The following RGMB variants were observed in gnomAD, a reference collection of about 807,000 sequenced individuals.
RGMB encodes the protein repulsive guidance molecule B.
A neutral mutation model predicts 26.9 loss-of-function variants in RGMB; 16 were observed. That is an observed-to-expected ratio of 0.60 (90% CI 0.40 to 0.90). RGMB has a LOEUF of 0.90. RGMB is among the 40% of genes least tolerant of loss of function. The probability of loss-of-function intolerance (pLI) is 0.00; values close to 1 mark genes in which losing one functional copy is unlikely to be tolerated. For synonymous variants in RGMB, 225 were observed against 229.3 expected, an observed-to-expected ratio of 0.98 and a Z score of 0.17; for missense variants, 512 against 573.3, an observed-to-expected ratio of 0.89 and a Z score of 1.09.
chr5:98,793,570 C>T lies in RGMB; in HGVS notation c.1131C>T (p.Leu377=), dbSNP rs368769537. The change falls in exon 3 of 3, where the codon CTC becomes CTT. Residue 377 remains leucine, a synonymous_variant. Transcript: ENST00000513185. ...IYFQSCVFDL[L]TTGDANFTAA... ...TCCAGTCCTGTGTCTTCGACCTGCTCACCACTGGTGATGCCAACTTTACTG... is the reference window on the plus strand; with the variant it reads ...TCCAGTCCTGTGTCTTCGACCTGCTTACCACTGGTGATGCCAACTTTACTG... 6.2e-7 allele frequency: 1 copy of T among 1,614,026 alleles called. No homozygotes were observed. The highest frequency in any genetic ancestry group is 2.2e-5 in the East Asian group (1 of 44,872).
intron 2 of RGMB, among the ~76,000 whole-genome samples, chr5:98,787,958 T>C (rs565764454): frequency 4.6e-5 from 7 of 152,332 alleles, no homozygotes; most frequent in African/African-American, 1.7e-4. Context: ...TCTGGTTTGG[T>C]TTCTTCATTC....
upstream of RGMB, chr5:98,770,988 G>A (rs1371297085): frequency 9.5e-6 from 3 of 316,028 alleles, no homozygotes; most frequent in African/African-American, 6.4e-5. Context: ...TCTCCTGTTA[G>A]ATTTCTGGAA....
chr5:98,778,873 G>A (rs1746500274), intron 1 of RGMB, among the ~76,000 whole-genome samples: 3 of 151,686 alleles, frequency 2.0e-5, no homozygotes, highest in Admixed American at 6.6e-5. Context: ...AGACAGTAAG[G>A]AAAAAGTAAA....
chr5:98,783,292 T>C (rs1266941225), intron 2 of RGMB, among the ~76,000 whole-genome samples: 4 of 152,138 alleles, frequency 2.6e-5, no homozygotes, highest in Admixed American at 2.0e-4. Context: ...CACACACACA[T>C]ACCTCGGCTG....
At position 98,795,490 on chromosome 5, in the gene RGMB, T is replaced by C. The variant is rs1580302628; in HGVS notation, c.*1737T>C. ...CCCAGTCACAGAGTGGAGTTGTGAA[T>C]TCATGTAGAGGTGGCAAACCTCTAC... On this transcript the variant is annotated 3_prime_UTR_variant, in exon 3 of 3. Coordinates refer to ENST00000513185, the MANE Select transcript of RGMB (RefSeq NM_001366508.1). 1 of 152,340 alleles carries C rather than the reference T, an allele frequency of 6.6e-6. No individual in the cohort carries two copies. The highest frequency in any genetic ancestry group is 6.5e-5 in the Admixed American group (1 of 15,304). The allele number at this position is 152,340 out of a possible 1,614,324, so 9.4% of individuals were successfully genotyped here.
chr5:98,791,788 C>T (rs539035567), intron 2 of RGMB, among the ~76,000 whole-genome samples: 1 of 152,142 alleles, frequency 6.6e-6, no homozygotes, highest in Non-Finnish European at 1.5e-5. Context: ...TCATAGTTGT[C>T]TTCCCTCCAC....
In RGMB at chr5:98,793,571, A is replaced by G. The variant is rs773287766; in HGVS notation, c.1132A>G (p.Thr378Ala). The change falls in exon 3 of 3, where the codon ACC becomes GCC. Residue 378 changes from threonine to alanine, a missense_variant. Transcript: ENST00000513185. ...CCAGTCCTGTGTCTTCGACCTGCTCACCACTGGTGATGCCAACTTTACTGC... is the reference window on the plus strand; with the variant it reads ...CCAGTCCTGTGTCTTCGACCTGCTCGCCACTGGTGATGCCAACTTTACTGC... Reference protein sequence around the residue: ...YFQSCVFDLLTTGDANFTAAA... With the variant: ...YFQSCVFDLLATGDANFTAAA... The G allele has an allele frequency of 1.7e-5, 27 of 1,613,880 alleles. No individual in the cohort carries two copies. Among genetic ancestry groups the G allele is most frequent in the Non-Finnish European group, 2.2e-5 (26 of 1,179,898 alleles).
intron 2 of RGMB, among the ~76,000 whole-genome samples, chr5:98,792,206 C>T (rs575106998): frequency 4.6e-5 from 7 of 152,306 alleles, no homozygotes; most frequent in African/African-American, 1.7e-4. Flanking sequence ...GTGCCCCCTC[C>T]TCAACTCTTT....
In RGMB at chr5:98,793,787, T is replaced by G. The variant is rs907756949; in HGVS notation, c.*34T>G. 2 of 1,455,720 alleles carry G rather than the reference T, an allele frequency of 1.4e-6. No individual in the cohort carries two copies. Among genetic ancestry groups the G allele is most frequent in the African/African-American group, 2.9e-5 (2 of 69,552 alleles). The allele number at this position is 1,455,720 out of a possible 1,614,324, so 90.2% of individuals were successfully genotyped here. A position where few individuals can be genotyped will look rare whatever the true frequency, so the allele number is the denominator to read the frequency against. ...TTTTGTTTTGGTTTTTTATTTTTTG[T>G]CTATAACAAAATTTTAAAATATATA... On this transcript the variant is annotated 3_prime_UTR_variant, in exon 3 of 3. Transcript: ENST00000513185.
rs911295432 is a variant in RGMB, at chr5:98,793,875, G to A, written c.*122G>A. ...ATACCATGTATATGACAGGATGTTT[G>A]TCCTGGGACACCCACCAGATTGTAC... is the stretch of plus-strand genomic sequence containing the variant. On this transcript the variant is annotated 3_prime_UTR_variant, in exon 3 of 3. Coordinates refer to ENST00000513185, the MANE Select transcript of RGMB (RefSeq NM_001366508.1). 3.9e-6 allele frequency: 3 copies of A among 759,916 alleles called. No homozygotes were observed. The highest frequency in any genetic ancestry group is 1.8e-5 in the African/African-American group (1 of 57,028). The allele number at this position is 759,916 out of a possible 1,614,324, so 47.1% of individuals were successfully genotyped here.
intron 2 of RGMB, among the ~76,000 whole-genome samples, chr5:98,786,696 C>T (rs1580287867): frequency 6.6e-6 from 1 of 152,174 alleles, no homozygotes; most frequent in Admixed American, 6.5e-5. Flanking sequence ...GGTGGGGTAA[C>T]TTAAGGACTT....
Position 98,793,886 on chromosome 5 carries a change from C to A in RGMB, c.*133C>A. 1.4e-6 allele frequency: 1 copy of A among 695,738 alleles called. No homozygotes were observed. The highest frequency in any genetic ancestry group is 2.3e-6 in the Non-Finnish European group (1 of 430,512). 43.1% of individuals were successfully genotyped at this position (695,738 alleles called of 1,614,324 possible). A position where few individuals can be genotyped will look rare whatever the true frequency, so the allele number is the denominator to read the frequency against. On this transcript the variant is annotated 3_prime_UTR_variant, in exon 3 of 3. Transcript: ENST00000513185. The stretch of plus-strand genomic sequence containing the variant: ...ATGACAGGATGTTTGTCCTGGGACA[C>A]CCACCAGATTGTACATACTGTGTTT...
At chr5:98,790,650 CTT>C (rs1746900790) in intron 2 of RGMB, among the ~76,000 whole-genome samples, 1 of 152,144 alleles carries the variant, frequency 6.6e-6, no homozygotes, top group South Asian at 2.1e-4. Context: ...CCCTTGCTTG[CTT>C]TTTGGAAACT....
chr5:98,771,399 G>A (rs1368617308), upstream of RGMB, among the ~76,000 whole-genome samples: 1 of 152,150 alleles, frequency 6.6e-6, no homozygotes, highest in African/African-American at 2.4e-5. Flanking sequence ...ACGGGCTTGA[G>A]GAGTGGCTGC....
In RGMB at chr5:98,795,815, T is replaced by G. The variant is rs1328565937; in HGVS notation, c.*2062T>G. ...TTGTGCAAATAATATGAAAGTGAAGTAAAAGCAATAGAAGAAATTTCTATA... is the reference window on the plus strand; with the variant it reads ...TTGTGCAAATAATATGAAAGTGAAGGAAAAGCAATAGAAGAAATTTCTATA... On this transcript the variant is annotated 3_prime_UTR_variant, in exon 3 of 3. Coordinates refer to ENST00000513185, the MANE Select transcript of RGMB (RefSeq NM_001366508.1). The G allele has an allele frequency of 6.6e-6, 1 of 152,160 alleles. No homozygotes were observed. The allele number at this position is 152,160 out of a possible 1,614,324, so 9.4% of individuals were successfully genotyped here. A position where few individuals can be genotyped will look rare whatever the true frequency, so the allele number is the denominator to read the frequency against.
upstream of RGMB, chr5:98,773,631 G>A (rs565661904): frequency 4.0e-3 from 1,202 of 300,008 alleles, 6 homozygotes; most frequent in Non-Finnish European, 6.1e-3. Flanking sequence ...GGCAGTGCGG[G>A]ACTGAGATTG....
At chr5:98,778,139 C>G (rs895392094) in intron 1 of RGMB, among the ~76,000 whole-genome samples, 1 of 152,176 alleles carries the variant, frequency 6.6e-6, no homozygotes, top group Non-Finnish European at 1.5e-5. Flanking sequence ...CCACCTGTTT[C>G]TCCCAGCCAA....
upstream of RGMB, chr5:98,773,606 A>AGGGCG (rs1746253252): frequency 4.0e-6 from 1 of 252,206 alleles, no homozygotes; most frequent in African/African-American, 2.3e-5. Context: ...TGGCGGGCAC[A>AGGGCG]GGGCGGGGCG....
chr5:98,782,895 A>G (rs1193811411), intron 2 of RGMB, among the ~76,000 whole-genome samples: 1 of 152,138 alleles, frequency 6.6e-6, no homozygotes, highest in Non-Finnish European at 1.5e-5. Flanking sequence ...AAAAATCTAA[A>G]CACCATAGAA....
Sources: gnomAD v4.1 joint callset for allele counts (sites outside exome capture counted in the v4.1 genomes callset) on GRCh38, gnomAD v4.1.1 for gene constraint, MANE v1.5 for transcripts, NCBI Gene and HGNC (gene_info 2026-07-23, HGNC 2026-07-21) for gene names.